The following COL12A1 variants were observed in gnomAD, a reference collection of about 807,000 sequenced individuals.
The protein encoded by COL12A1 is collagen type XII alpha 1 chain.
A neutral mutation model predicts 349.7 loss-of-function variants in COL12A1; 114 were observed. The ratio of observed to expected loss-of-function variants is 0.33; its 90% CI spans 0.28 to 0.38. The LOEUF (loss-of-function observed/expected upper bound fraction) is 0.38. Among genes scored for constraint, COL12A1 ranks in the 10% least tolerant of loss-of-function variants. The pLI is 1.00. For synonymous variants in COL12A1, 1,369 were observed against 1,329.0 expected (o/e 1.03, Z -0.66); for missense variants, 3,284 against 3,756.9 (o/e 0.87, Z 3.29).
chr6:75,126,960 T>C (rs1409185754), intron 38 of COL12A1, among the ~76,000 whole-genome samples: 2 of 152,106 alleles, frequency 1.3e-5, no homozygotes, highest in East Asian at 3.8e-4. Flanking sequence ...AATAAATCCT[T>C]AAGCTTCCAG....
intron 21 of COL12A1, 65 bp downstream of exon 21, chr6:75,151,076 A>C: frequency 9.1e-6 from 4 of 437,890 alleles, no homozygotes; most frequent in East Asian, 8.1e-5. Flanking sequence ...CCCCACCCAA[A>C]AGAATAATTA....
chr6:75,161,025 C>T (rs1268785050), intron 14 of COL12A1, among the ~76,000 whole-genome samples: 3 of 152,122 alleles, frequency 2.0e-5, no homozygotes, highest in Non-Finnish European at 4.4e-5. Flanking sequence ...ACAGTGGACA[C>T]AGCCTGTCCA....
intron 32 of COL12A1, 66 bp from the exon 33 acceptor site, chr6:75,134,063 C>A (rs1417032833): frequency 2.6e-6 from 4 of 1,536,578 alleles, no homozygotes; most frequent in Non-Finnish European, 3.5e-6. Flanking sequence ...AACACAGATT[C>A]ACTGATATCT....
In COL12A1 at chr6:75,183,614, A is replaced by C; in HGVS notation, c.1327T>G (p.Phe443Val). 1 of 1,612,870 alleles carries C rather than the reference A, an allele frequency of 6.2e-7. No homozygotes were observed. Among genetic ancestry groups the C allele is most frequent in the Non-Finnish European group, 8.5e-7 (1 of 1,179,722 alleles). The change falls in exon 10 of 66, where the codon TTT becomes GTT. Residue 443 changes from phenylalanine to valine, a missense_variant. Physicochemically the swap from Phe to Val is conservative, Grantham distance 50. Transcript: ENST00000322507. Reference sequence around the variant, plus strand: ...ATGCTATAGGAGCCATCAACCAAAAACACAATATCGGCTTTTATATCCACA... The same window carrying C: ...ATGCTATAGGAGCCATCAACCAAAACCACAATATCGGCTTTTATATCCACA... ...RGVDIKADIV[F>V]LVDGSYSIGI...
At position 75,134,902 on chromosome 6, in the gene COL12A1, C is replaced by G. The variant is rs760168981; in HGVS notation, c.5395-47G>C. On this transcript the variant is annotated intron_variant, in intron 31 of 65. Transcript: ENST00000322507. ...TAAGTGTCAGCCTTGCTCTCTCCAT[C>G]TCACTAATCTGTTAGAAAAAGCTCT... is the stretch of plus-strand genomic sequence containing the variant. The G allele has an allele frequency of 5.7e-6, 9 of 1,571,970 alleles. No individual in the cohort carries two copies. The Admixed American group carries it at 1.5e-4, about 27-fold the overall frequency.
chr6:75,103,188 C>T (rs1288825134), intron 55 of COL12A1, among the ~76,000 whole-genome samples: 2 of 152,188 alleles, frequency 1.3e-5, no homozygotes, highest in African/African-American at 4.8e-5. Context: ...GGCATCAGGC[C>T]TGGGTTAGCA....
chr6:75,102,712 G>A lies in COL12A1; in HGVS notation c.8320-20C>T, dbSNP rs1562116693. On this transcript the variant is annotated intron_variant, in intron 55 of 65. Transcript: ENST00000322507. Reference sequence around the variant, plus strand: ...GGGCCCCTAAAATACACAAGAGAGAGACAACCACAAAGTAATGTAATACCT... The same window carrying A: ...GGGCCCCTAAAATACACAAGAGAGAAACAACCACAAAGTAATGTAATACCT... The A allele has an allele frequency of 6.7e-7, 1 of 1,492,490 alleles. No individual in the cohort carries two copies. 92.5% of individuals were successfully genotyped at this position (1,492,490 alleles called of 1,614,324 possible). A position where few individuals can be genotyped will look rare whatever the true frequency, so the allele number is the denominator to read the frequency against.
At chr6:75,144,413 C>A (rs879624727) in intron 25 of COL12A1, among the ~76,000 whole-genome samples, 3 of 152,200 alleles carry the variant, frequency 2.0e-5, no homozygotes, top group Non-Finnish European at 2.9e-5. Context: ...GGATCTTTCT[C>A]TTCTCTGCCC....
chr6:75,205,793 A>G lies in COL12A1; in HGVS notation c.-52T>C. 1 of 157,556 alleles carries G rather than the reference A, an allele frequency of 6.3e-6. No homozygotes were observed. The highest frequency in any genetic ancestry group is 1.4e-5 in the Non-Finnish European group (1 of 72,226). The allele number at this position is 157,556 out of a possible 1,614,324, so 9.8% of individuals were successfully genotyped here. A position where few individuals can be genotyped will look rare whatever the true frequency, so the allele number is the denominator to read the frequency against. On this transcript the variant is annotated 5_prime_UTR_variant, in exon 1 of 66. Transcript: ENST00000322507. The stretch of plus-strand genomic sequence containing the variant: ...CAGGCTGACCTGAGGCGGCGGCAAC[A>G]GGGAGAGGTAGCGGCGGCGACAGCG...
At chr6:75,123,552 G>A (rs536693037) in intron 42 of COL12A1, 148 bp from the exon 43 acceptor site, 31 of 697,590 alleles carry the variant, frequency 4.4e-5, no homozygotes, top group Non-Finnish European at 7.2e-5. Flanking sequence ...ACATGCTGGG[G>A]ATTTTATTCC....
intron 3 of COL12A1, among the ~76,000 whole-genome samples, chr6:75,193,157 C>T (rs1009990725): frequency 4.6e-5 from 7 of 152,038 alleles, no homozygotes; most frequent in Admixed American, 4.6e-4. Flanking sequence ...CAACCAAGAT[C>T]CCCAGAGGAC....
At chr6:75,097,551 A>G (rs534777242) in intron 58 of COL12A1, among the ~76,000 whole-genome samples, 1 of 152,360 alleles carries the variant, frequency 6.6e-6, no homozygotes, top group African/African-American at 2.4e-5. Flanking sequence ...TCACTTGTAT[A>G]GTTATAAATA....
chr6:75,188,211 G>C (rs905853968), intron 8 of COL12A1, 151 bp downstream of exon 8: 1 of 747,922 alleles, frequency 1.3e-6, no homozygotes, highest in African/African-American at 1.8e-5. Context: ...GTATCAACAA[G>C]TTGAGTTGCT....
At chr6:75,189,025 G>A (rs1159738438) in intron 7 of COL12A1, among the ~76,000 whole-genome samples, 192 bp downstream of exon 7, 2 of 151,972 alleles carry the variant, frequency 1.3e-5, no homozygotes, top group African/African-American at 4.8e-5. Flanking sequence ...ATATGCTAAG[G>A]GAGTTATATG....
chr6:75,123,260 A>T, intron 43 of COL12A1, 70 bp downstream of exon 43: 1 of 1,224,116 alleles, frequency 8.2e-7, no homozygotes, highest in South Asian at 1.3e-5. Flanking sequence ...TAAATGATGC[A>T]CATGCAGCGT....
At chr6:75,187,500 G>A (rs1450187710) in intron 8 of COL12A1, among the ~76,000 whole-genome samples, 1 of 152,114 alleles carries the variant, frequency 6.6e-6, no homozygotes, top group Non-Finnish European at 1.5e-5. Flanking sequence ...AAAAGTGGAG[G>A]TGAGTGAGAT....
Position 75,134,868 on chromosome 6 carries a change from G to T in COL12A1, c.5395-13C>A, listed in dbSNP as rs1236824541. On this transcript the variant is annotated splice_polypyrimidine_tract_variant and intron_variant, in intron 31 of 65. Coordinates refer to ENST00000322507, the MANE Select transcript of COL12A1 (RefSeq NM_004370.6). Reference sequence around the variant, plus strand: ...CTCCTATTGTGGTCTTGAGTAAAAAGGGTCTTGGTAAGTGTCAGCCTTGCT... The same window carrying T: ...CTCCTATTGTGGTCTTGAGTAAAAATGGTCTTGGTAAGTGTCAGCCTTGCT... 6.2e-7 allele frequency: 1 copy of T among 1,607,332 alleles called. No individual in the cohort carries two copies. Among genetic ancestry groups the T allele is most frequent in the East Asian group, 2.2e-5 (1 of 44,782 alleles).
intron 14 of COL12A1, among the ~76,000 whole-genome samples, chr6:75,160,162 T>C (rs1024386465): frequency 4.6e-5 from 7 of 152,162 alleles, no homozygotes; most frequent in African/African-American, 7.2e-5. Flanking sequence ...CCCTCTCACA[T>C]TGTAAGTTCT....
rs373031547 is a variant in COL12A1 at position 75,154,423 on chromosome 6, T to C, written c.3558A>G (p.Leu1186=). 2.5e-6 allele frequency: 4 copies of C among 1,611,512 alleles called. No homozygotes were observed. The highest frequency in any genetic ancestry group is 2.2e-5 in the East Asian group (1 of 44,788). ...TLSDTTVMPI[L]SSGMECLTRA... ...TGTAACTCAATTTCTTACCAGAAGA[T>C]AAAATTGGCATAACAGTTGTGTCGG... is the stretch of plus-strand genomic sequence containing the variant. The change falls in exon 17 of 66, where the codon TTA becomes TTG. Residue 1186 remains leucine (L), a synonymous_variant. Transcript: ENST00000322507.
Sources: allele counts gnomAD v4.1 joint callset (sites outside exome capture counted in the v4.1 genomes callset), GRCh38; gene constraint gnomAD v4.1.1; transcripts MANE v1.5; gene names NCBI Gene and HGNC (gene_info 2026-07-23, HGNC 2026-07-21).